Variants in PEBP4 observed in about 807,000 individuals in gnomAD.
PEBP4 encodes the protein phosphatidylethanolamine binding protein 4.
In PEBP4, 22 loss-of-function variants were observed where a neutral mutation model predicts 23.9. That is an observed-to-expected ratio of 0.92 (90% CI 0.66 to 1.31). PEBP4 has a LOEUF of 1.31. Ranked by LOEUF, PEBP4 falls within the 40% of genes most tolerant of loss-of-function variation. The probability of loss-of-function intolerance (pLI) is 0.00; values close to 1 mark genes in which losing one functional copy is unlikely to be tolerated. For synonymous variants in PEBP4, 112 were observed against 99.3 expected, an observed-to-expected ratio of 1.13 and a Z score of -0.76; for missense variants, 324 against 281.7, an observed-to-expected ratio of 1.15 and a Z score of -1.07.
intron 3 of PEBP4, chr8:22,886,708 T>C (rs963814814): frequency 4.6e-5 from 7 of 152,324 alleles, no homozygotes; most frequent in African/African-American, 1.7e-4. Context: ...ATGCCCCGAC[T>C]CCTCACACAG....
chr8:22,863,891 T>C (rs77019411), intron 3 of PEBP4, among the ~76,000 whole-genome samples: 1,593 of 152,250 alleles, frequency 0.01, 21 homozygotes, highest in Middle Eastern at 0.031. Flanking sequence ...CAAATGTTTC[T>C]CAAATGCACG....
chr8:22,746,468 A>G (rs1805121224), intron 4 of PEBP4, among the ~76,000 whole-genome samples: 2 of 152,094 alleles, frequency 1.3e-5, no homozygotes, highest in South Asian at 4.1e-4. Flanking sequence ...GCGTTTGGTC[A>G]GATCTCAGCC....
At chr8:22,748,713 T>A (rs1295727188) in intron 4 of PEBP4, among the ~76,000 whole-genome samples, 1 of 151,280 alleles carries the variant, frequency 6.6e-6, no homozygotes, top group Non-Finnish European at 1.5e-5. Flanking sequence ...AGTCTTGGGG[T>A]TCCCTATAAG....
chr8:22,729,355 G>A (rs368271279), intron 4 of PEBP4, among the ~76,000 whole-genome samples: 34 of 152,358 alleles, frequency 2.2e-4, no homozygotes, highest in East Asian at 2.1e-3. Flanking sequence ...CCCAGCCAGC[G>A]GTTGTTTAAA....
chr8:22,726,107 G>T (rs761816474), intron 5 of PEBP4, among the ~76,000 whole-genome samples: 1 of 151,946 alleles, frequency 6.6e-6, no homozygotes, highest in African/African-American at 2.4e-5. Context: ...GGTCCCACTC[G>T]GGGTGGGTGT....
chr8:22,817,894 A>G (rs1806778275), intron 3 of PEBP4, among the ~76,000 whole-genome samples, 159 bp from the exon 4 acceptor site: 1 of 152,340 alleles, frequency 6.6e-6, no homozygotes, highest in South Asian at 2.1e-4. Flanking sequence ...TCCCTCTCAC[A>G]TCACGTTTAT....
rs181200980 is a variant in PEBP4 at position 22,852,000 on chromosome 8, C to T, written c.259-34265G>A. Reference sequence around the variant, plus strand: ...GCAGGGAAAGAAATTAATTTTCAATCCCTGGGGACTGCAGTTGGTAGCTCA... The same window carrying T: ...GCAGGGAAAGAAATTAATTTTCAATTCCTGGGGACTGCAGTTGGTAGCTCA... On this transcript the variant is annotated intron_variant, in intron 3 of 6. Coordinates refer to ENST00000256404, the MANE Select transcript of PEBP4 (RefSeq NM_144962.3). 5.9e-5 allele frequency among the ~76,000 whole-genome samples: 9 copies of T among 152,172 alleles called. No homozygotes were observed. In the East Asian group the frequency reaches 1.7e-3, roughly 29 times the overall value.
intron 3 of PEBP4, among the ~76,000 whole-genome samples, chr8:22,849,132 C>A (rs556699437): frequency 8.5e-4 from 129 of 152,274 alleles, no homozygotes; most frequent in African/African-American, 3.1e-3. Context: ...GGTAAGGTCA[C>A]ATAATGAAAT....
chr8:22,807,839 T>C (rs1281031796), intron 4 of PEBP4, among the ~76,000 whole-genome samples: 1 of 151,064 alleles, frequency 6.6e-6, no homozygotes, highest in East Asian at 2.0e-4. Context: ...TCTCTATCCA[T>C]CCATCCATCC....
chr8:22,910,562 A>G (rs1478118373), intron 3 of PEBP4, among the ~76,000 whole-genome samples: 3 of 152,188 alleles, frequency 2.0e-5, no homozygotes, highest in African/African-American at 7.2e-5. Context: ...AGGAACAACA[A>G]TTCTCAGAAG....
chr8:22,867,139 C>A (rs1462629612), intron 3 of PEBP4, among the ~76,000 whole-genome samples: 1 of 152,180 alleles, frequency 6.6e-6, no homozygotes, highest in East Asian at 1.9e-4. Flanking sequence ...TCTGCCCTTT[C>A]CCTTGAAGAC....
intron 3 of PEBP4, among the ~76,000 whole-genome samples, chr8:22,899,657 C>T (rs903299940): frequency 7.9e-5 from 12 of 152,178 alleles, no homozygotes; most frequent in Non-Finnish European, 1.6e-4. Context: ...CTCCTGGCTA[C>T]TTTTTCCCTA....
chr8:22,765,112 T>TTCCTTCCTTC (rs1563209075), intron 4 of PEBP4, among the ~76,000 whole-genome samples: 4 of 101,762 alleles, frequency 3.9e-5, no homozygotes, highest in Non-Finnish European at 8.7e-5. Context: ...TTCCTTCCTT[T>TTCCTTCCTTC]ATTTCTTCCT....
At chr8:22,742,368 C>G (rs534418245) in intron 4 of PEBP4, among the ~76,000 whole-genome samples, 6 of 152,226 alleles carry the variant, frequency 3.9e-5, no homozygotes, top group Admixed American at 6.5e-5. Flanking sequence ...AACCTATTAC[C>G]AGTGGCGCTG....
upstream of PEBP4, among the ~76,000 whole-genome samples, chr8:22,928,159 C>T (rs1276106708): frequency 6.6e-6 from 1 of 152,230 alleles, no homozygotes; most frequent in Non-Finnish European, 1.5e-5. Context: ...AGCTGGTGAC[C>T]CCAGGCTCAG....
chr8:22,738,715 C>T (rs1804924022), intron 4 of PEBP4, among the ~76,000 whole-genome samples: 2 of 152,218 alleles, frequency 1.3e-5, no homozygotes, highest in Admixed American at 1.3e-4. Flanking sequence ...TACGTTCACA[C>T]ACTCACATAC....
chr8:22,889,112 A>C (rs1384220102), intron 3 of PEBP4, among the ~76,000 whole-genome samples: 1 of 152,192 alleles, frequency 6.6e-6, no homozygotes, highest in African/African-American at 2.4e-5. Context: ...CACAATCTTC[A>C]AACCTCGAAA....
chr8:22,873,880 C>T (rs1808062904), intron 3 of PEBP4, among the ~76,000 whole-genome samples: 1 of 152,142 alleles, frequency 6.6e-6, no homozygotes, highest in African/African-American at 2.4e-5. Flanking sequence ...AGAGTTCCCC[C>T]AGTGTGTGAA....
intron 3 of PEBP4, among the ~76,000 whole-genome samples, chr8:22,830,180 A>G (rs1218445695): frequency 1.4e-5 from 2 of 144,432 alleles, no homozygotes; most frequent in Non-Finnish European, 3.0e-5. Context: ...GTCAGGCTGG[A>G]GTGTAGTGGT....
Sources: gnomAD v4.1 joint callset for allele counts (sites outside exome capture counted in the v4.1 genomes callset) on GRCh38, gnomAD v4.1.1 for gene constraint, MANE v1.5 for transcripts, NCBI Gene and HGNC (gene_info 2026-07-23, HGNC 2026-07-21) for gene names.